The following GRIK2 variants were observed in gnomAD, a reference collection of about 807,000 sequenced individuals.
The protein encoded by GRIK2 is glutamate ionotropic receptor kainate type subunit 2, also known as glutamate receptor ionotropic, kainate 2.
A neutral mutation model predicts 100.3 loss-of-function variants in GRIK2; 32 were observed. The ratio of observed to expected loss-of-function variants is 0.32; its 90% CI spans 0.24 to 0.43. GRIK2 has a LOEUF of 0.43. Among genes scored for constraint, GRIK2 ranks in the 20% least tolerant of loss-of-function variants. GRIK2 has a pLI of 1.00. For missense variants in GRIK2, 843 were observed against 1,114.9 expected (o/e 0.76, Z 3.47); for synonymous variants, 417 against 389.4 (o/e 1.07, Z -0.83).
chr6:101,910,812 G>A (rs749084394), intron 12 of GRIK2, among the ~76,000 whole-genome samples: 1 of 134,386 alleles, frequency 7.4e-6, no homozygotes, highest in African/African-American at 3.4e-5. Flanking sequence ...ACTAAAGGGG[G>A]TCACAGTAAA....
intron 7 of GRIK2, among the ~76,000 whole-genome samples, chr6:101,698,043 T>C (rs949136277): frequency 2.0e-5 from 3 of 152,124 alleles, no homozygotes; most frequent in African/African-American, 2.4e-5. Context: ...TGAATAAGAA[T>C]GCAACTGTGT....
intron 2 of GRIK2, among the ~76,000 whole-genome samples, chr6:101,407,697 CAA>C (rs1254286187): frequency 6.6e-6 from 1 of 152,000 alleles, no homozygotes; most frequent in Non-Finnish European, 1.5e-5. Flanking sequence ...ATTCATTCAA[CAA>C]TATTAAAGTG....
intron 2 of GRIK2, among the ~76,000 whole-genome samples, chr6:101,520,200 C>T (rs1317798096): frequency 1.3e-5 from 2 of 151,826 alleles, no homozygotes; most frequent in East Asian, 3.9e-4. Flanking sequence ...AAATATTTTT[C>T]ATTGCACAAA....
chr6:101,592,464 T>TA (rs1011936723), intron 2 of GRIK2, among the ~76,000 whole-genome samples: 7 of 149,648 alleles, frequency 4.7e-5, no homozygotes, highest in African/African-American at 1.7e-4. Context: ...TATGCTTTGG[T>TA]AAAAAACTTC....
At chr6:101,836,661 A>ATTTTTTTTTT (rs1194200766) in intron 10 of GRIK2, among the ~76,000 whole-genome samples, 2 of 57,810 alleles carry the variant, frequency 3.5e-5, no homozygotes, top group Non-Finnish European at 5.6e-5. Context: ...ATATATATAT[A>ATTTTTTTTTT]TTTTTTTTTT....
At position 102,068,335 on chromosome 6, in the gene GRIK2, G is replaced by A. The variant is rs1772118725; in HGVS notation, c.2563-12G>A. The A allele has an allele frequency of 1.9e-6, 3 of 1,588,424 alleles. No individual in the cohort carries two copies. Among genetic ancestry groups the A allele is most frequent in the African/African-American group, 2.7e-5 (2 of 73,624 alleles). On this transcript the variant is annotated splice_polypyrimidine_tract_variant and intron_variant, in intron 16 of 16. Transcript: ENST00000369134. Reference sequence around the variant, plus strand: ...ATCTTGTAATATTTAATTTTTCTGTGTTCTTCTGTAGAGGTCCTTCTGTAG... The same window carrying A: ...ATCTTGTAATATTTAATTTTTCTGTATTCTTCTGTAGAGGTCCTTCTGTAG...
chr6:101,899,960 G>A (rs925817419), intron 12 of GRIK2, among the ~76,000 whole-genome samples: 1 of 151,880 alleles, frequency 6.6e-6, no homozygotes, highest in Admixed American at 6.6e-5. Context: ...TTGGAAACTG[G>A]TAATAATCTA....
rs761836841 is a variant in GRIK2, at chr6:102,068,475, C to T, written c.2691C>T (p.Asn897=). Residue 897 remains asparagine, a synonymous_variant, in exon 17 of 17, where the codon AAC becomes AAT. Coordinates refer to ENST00000369134, the MANE Select transcript of GRIK2 (RefSeq NM_021956.5). ...TEEVINMHTF[N]DRRLPGKETM... ...AAGTTATCAACATGCACACATTTAA[C>T]GACAGAAGGTTGCCAGGTAAAGAAA... is the stretch of plus-strand genomic sequence containing the variant. 44 of 1,611,608 alleles carry T rather than the reference C, an allele frequency of 2.7e-5. No homozygotes were observed. The highest frequency in any genetic ancestry group is 5.0e-5 in the Admixed American group (3 of 59,786).
At chr6:101,921,561 C>A (rs1324813554) in intron 12 of GRIK2, among the ~76,000 whole-genome samples, 2 of 151,832 alleles carry the variant, frequency 1.3e-5, no homozygotes, top group Non-Finnish European at 2.9e-5. Flanking sequence ...GACAGTCAAT[C>A]TTAGAGGGGT....
At chr6:101,889,378 AG>A (rs1786881914) in intron 11 of GRIK2, among the ~76,000 whole-genome samples, 3 of 151,790 alleles carry the variant, frequency 2.0e-5, no homozygotes. Context: ...AATTCTATGA[AG>A]TTTTTTTTTC....
At chr6:101,690,364 T>A (rs1167000452) in intron 7 of GRIK2, among the ~76,000 whole-genome samples, 1 of 152,148 alleles carries the variant, frequency 6.6e-6, no homozygotes, top group African/African-American at 2.4e-5. Flanking sequence ...GTTTAAACCC[T>A]GGACACCAAC....
intron 10 of GRIK2, among the ~76,000 whole-genome samples, chr6:101,839,289 T>G (rs1184336844): frequency 6.6e-6 from 1 of 152,212 alleles, no homozygotes; most frequent in African/African-American, 2.4e-5. Flanking sequence ...GTATTTGGTT[T>G]AGGAATATGA....
At chr6:101,729,761 G>A (rs999037589) in intron 7 of GRIK2, among the ~76,000 whole-genome samples, 2 of 151,932 alleles carry the variant, frequency 1.3e-5, no homozygotes, top group African/African-American at 4.8e-5. Flanking sequence ...TAGAAGCATA[G>A]TTTTGATGTG....
At position 101,818,459 on chromosome 6, in the gene GRIK2, T is replaced by C. The variant is rs761841038; in HGVS notation, c.1293T>C (p.Arg431=). The change falls in exon 10 of 17, where the codon CGT becomes CGC. Residue 431 remains arginine, a synonymous_variant. Transcript: ENST00000369134. ...PANITDSLSN[R]SLIVTTILEE... is the part of the protein sequence containing the mutation. ...ACATCACAGATTCCTTATCCAATCG[T>C]TCTTTGATTGTTACCACCATTTTGG... The C allele has an allele frequency of 7.7e-5, 124 of 1,601,098 alleles. No homozygotes were observed. Among genetic ancestry groups the C allele is most frequent in the Non-Finnish European group, 1.0e-4 (122 of 1,168,222 alleles).
chr6:102,059,596 T>C, intron 16 of GRIK2, among the ~76,000 whole-genome samples: 1 of 151,122 alleles, frequency 6.6e-6, no homozygotes, highest in South Asian at 2.1e-4. Flanking sequence ...AATTTTGTTG[T>C]TTTCTCTGAT....
intron 9 of GRIK2, among the ~76,000 whole-genome samples, chr6:101,813,000 T>C (rs896417941): frequency 4.0e-5 from 6 of 151,836 alleles, no homozygotes; most frequent in Admixed American, 3.9e-4. Flanking sequence ...TTAGGTAACA[T>C]ATTTTGCAAA....
chr6:102,023,400 G>T (rs1769532279), intron 14 of GRIK2, among the ~76,000 whole-genome samples: 2 of 151,524 alleles, frequency 1.3e-5, no homozygotes, highest in African/African-American at 2.4e-5. Flanking sequence ...GAATGTGATG[G>T]AATTTAAAGC....
At chr6:102,006,204 T>C (rs1795215194) in intron 14 of GRIK2, among the ~76,000 whole-genome samples, 1 of 151,748 alleles carries the variant, frequency 6.6e-6, no homozygotes, top group South Asian at 2.1e-4. Context: ...AAATATAACA[T>C]TGTGTAATAA....
At chr6:101,683,425 C>T (rs1051696430) in intron 6 of GRIK2, among the ~76,000 whole-genome samples, 4 of 151,996 alleles carry the variant, frequency 2.6e-5, no homozygotes, top group Non-Finnish European at 4.4e-5. Context: ...TTTCACATAC[C>T]CATCACACAA....
Sources: allele counts gnomAD v4.1 joint callset (sites outside exome capture counted in the v4.1 genomes callset), GRCh38; gene constraint gnomAD v4.1.1; transcripts MANE v1.5; gene names NCBI Gene and HGNC (gene_info 2026-07-23, HGNC 2026-07-21).